POLR3E: variants seen among roughly 807,000 people sequenced by gnomAD.
POLR3E encodes the protein RNA polymerase III subunit E, also known as DNA-directed RNA polymerase III subunit RPC5.
In POLR3E, 41 loss-of-function variants were observed where a neutral mutation model predicts 96.6. The observed-to-expected ratio is 0.42, with a 90% CI of 0.33 to 0.55. POLR3E has a LOEUF of 0.55. Ranked by LOEUF, POLR3E falls within the 20% of genes least tolerant of loss-of-function variation. POLR3E has a pLI of 0.06. For missense variants in POLR3E, 849 were observed against 952.1 expected (o/e 0.89, Z 1.43); for synonymous variants, 396 against 383.6 (o/e 1.03, Z -0.38).
intron 6 of POLR3E, among the ~76,000 whole-genome samples, chr16:22,312,091 C>T (rs1483974388): frequency 6.6e-6 from 1 of 152,138 alleles, no homozygotes; most frequent in Non-Finnish European, 1.5e-5. Context: ...TTAGTGGCTA[C>T]CAGGGACTAG....
Position 22,302,293 on chromosome 16 carries a change from G to A in POLR3E, c.-38-638G>A, listed in dbSNP as rs371000415. On this transcript the variant is annotated intron_variant, in intron 1 of 20. Transcript: ENST00000299853. ...CAGTTCATCATCCTGCTTGCTATGT[G>A]ACTTTGGGTCAAAATGCACACAGTA... Among the ~76,000 whole-genome samples the A allele has an allele frequency of 5.3e-5, 8 of 152,264 alleles. No homozygotes were observed. In the East Asian group the frequency reaches 1.5e-3, roughly 29 times the overall value.
At chr16:22,301,607 A>G (rs895064461) in intron 1 of POLR3E, among the ~76,000 whole-genome samples, 1 of 150,908 alleles carries the variant, frequency 6.6e-6, no homozygotes, top group African/African-American at 2.4e-5. Flanking sequence ...AGATAGTTCA[A>G]ATGTTAAGTA....
intron 12 of POLR3E, among the ~76,000 whole-genome samples, chr16:22,317,936 C>T (rs529616326): frequency 5.9e-5 from 9 of 152,048 alleles, no homozygotes; most frequent in Admixed American, 4.6e-4. Context: ...TTAGGGTACC[C>T]GTGGCTGGTG....
rs780918240 is a variant in POLR3E, at chr16:22,325,902, T to A, written c.1490T>A (p.Ile497Asn). 4.2e-5 allele frequency: 68 copies of A among 1,606,990 alleles called. No individual in the cohort carries two copies. Among genetic ancestry groups the A allele is most frequent in the Non-Finnish European group, 5.6e-5 (66 of 1,176,850 alleles). The change falls in exon 18 of 21, where the codon ATC (isoleucine) becomes AAC (asparagine). Residue 497 changes from isoleucine (I) to asparagine (N), a missense_variant. By Grantham distance (149) the Ile-to-Asn change is moderately radical. Transcript: ENST00000299853. ...CCTGCGGTCCCGCCCGGTGTGCGGA[T>A]CAAGGAGGAGCCCGTGAGCGAGGAG... is the stretch of plus-strand genomic sequence containing the variant. ...RVPAVPPGVRIKEEPVSEEGE... is the reference protein window; with the variant it reads ...RVPAVPPGVRNKEEPVSEEGE...
chr16:22,316,589 C>G lies in POLR3E; in HGVS notation c.643-12C>G, dbSNP rs1359828027. 2 of 1,610,500 alleles carry G rather than the reference C, an allele frequency of 1.2e-6. No homozygotes were observed. The highest frequency in any genetic ancestry group is 2.7e-5 in the African/African-American group (2 of 75,012). On this transcript the variant is annotated splice_polypyrimidine_tract_variant and intron_variant, in intron 9 of 20. Coordinates refer to ENST00000299853, the MANE Select transcript of POLR3E (RefSeq NM_018119.4). ...GCTGAGGCTCCTCTCACACCCTGCC[C>G]TCCTCCAACAGGACAGTCGCTCTGA...
chr16:22,326,333 G>A, intron 18 of POLR3E, 55 bp downstream of exon 18: 2 of 1,220,274 alleles, frequency 1.6e-6, no homozygotes, highest in South Asian at 2.6e-5. Flanking sequence ...GGGAGAACCA[G>A]CTGTTGGGAG....
chr16:22,316,237 T>A (rs964539065), intron 9 of POLR3E, among the ~76,000 whole-genome samples: 6 of 152,210 alleles, frequency 3.9e-5, no homozygotes, highest in African/African-American at 1.4e-4. Context: ...ATGAGAGTAG[T>A]AATAATAGTA....
intron 1 of POLR3E, 117 bp from the exon 2 acceptor site, chr16:22,302,811 AAAG>A (rs1265095813): frequency 1.6e-5 from 12 of 733,952 alleles, no homozygotes; most frequent in Admixed American, 1.3e-4. Flanking sequence ...GTAGATGTAG[AAAG>A]AAGGTCAGTT....
Position 22,309,429 on chromosome 16 carries a change from A to G in POLR3E, c.283A>G (p.Lys95Glu). The change falls in exon 6 of 21, where the codon AAG becomes GAG. Residue 95 changes from lysine (K) to glutamate (E), a missense_variant and splice_region_variant. Physicochemically the swap from Lys to Glu is moderately conservative, Grantham distance 56. Transcript: ENST00000299853. ...CADETSTYSS[K>E]LMDKQTFCSS... ...ACGTTGCTTCTCCCTGTGCTCCAGGAAGCTGATGGACAAGCAGACCTTCTG... is the reference window on the plus strand; with the variant it reads ...ACGTTGCTTCTCCCTGTGCTCCAGGGAGCTGATGGACAAGCAGACCTTCTG... The G allele has an allele frequency of 6.2e-7, 1 of 1,612,490 alleles. No homozygotes were observed. The highest frequency in any genetic ancestry group is 1.1e-5 in the South Asian group (1 of 91,048).
chr16:22,314,778 TG>T (rs1475422362), intron 8 of POLR3E: 1 of 230,786 alleles, frequency 4.3e-6, no homozygotes, highest in Non-Finnish European at 8.6e-6. Context: ...CCTTCCGCTC[TG>T]GGGAACTTAG....
At chr16:22,317,323 C>A in intron 12 of POLR3E, 117 bp downstream of exon 12, 1 of 733,694 alleles carries the variant, frequency 1.4e-6, no homozygotes, top group East Asian at 2.6e-5. Context: ...TGCCCACAGC[C>A]TGCCCAGCTT....
chr16:22,304,246 C>A (rs988440036), intron 2 of POLR3E, among the ~76,000 whole-genome samples: 4 of 152,290 alleles, frequency 2.6e-5, no homozygotes, highest in Admixed American at 2.6e-4. Context: ...ATATGCGGAG[C>A]CTGACCTCCA....
chr16:22,314,433 G>A (rs1414899541), intron 8 of POLR3E, among the ~76,000 whole-genome samples: 1 of 152,190 alleles, frequency 6.6e-6, no homozygotes, highest in Non-Finnish European at 1.5e-5. Context: ...TCTTAACAGA[G>A]CCAAAGTCAA....
intron 8 of POLR3E, 182 bp from the exon 9 acceptor site, chr16:22,314,907 C>A (rs189974318): frequency 5.3e-6 from 3 of 566,110 alleles, no homozygotes; most frequent in African/African-American, 3.8e-5. Flanking sequence ...CGTTCCCTGG[C>A]GTGTGCAGGC....
intron 19 of POLR3E, among the ~76,000 whole-genome samples, chr16:22,329,915 A>C (rs2048699913): frequency 6.6e-6 from 1 of 151,438 alleles, no homozygotes; most frequent in South Asian, 2.1e-4. Flanking sequence ...AGGCATTTAC[A>C]TCACCAAAAG....
rs202036790 is a variant in POLR3E at position 22,325,769 on chromosome 16, G to A, written c.1357G>A (p.Gly453Arg). The change falls in exon 18 of 21, where the codon GGG becomes AGG. Residue 453 changes from glycine (G) to arginine (R), a missense_variant. Physicochemically the swap from Gly to Arg is moderately radical, Grantham distance 125. Coordinates refer to ENST00000299853, the MANE Select transcript of POLR3E (RefSeq NM_018119.4). ...KKPDAQSGPA[G>R]LVCGDQRIQV... The stretch of plus-strand genomic sequence containing the variant: ...TGCCTCCCTCCCCGCAGGGCCTGCC[G>A]GGCTGGTCTGTGGGGACCAGCGGAT... 1.0e-5 allele frequency: 16 copies of A among 1,562,520 alleles called. No individual in the cohort carries two copies. In the East Asian group the frequency reaches 1.4e-4, roughly 13 times the overall value.
intron 2 of POLR3E, among the ~76,000 whole-genome samples, chr16:22,303,661 G>A (rs1333036630): frequency 9.2e-6 from 1 of 108,116 alleles, no homozygotes; most frequent in Non-Finnish European, 1.6e-5. Context: ...TTTTTTTGGA[G>A]ACAGAGTCTT....
chr16:22,304,793 C>T (rs1455365893), intron 2 of POLR3E, among the ~76,000 whole-genome samples: 1 of 152,204 alleles, frequency 6.6e-6, no homozygotes, highest in Non-Finnish European at 1.5e-5. Flanking sequence ...CCAGGAGGCA[C>T]AGGCCTAGGT....
At position 22,298,630 on chromosome 16, in the gene POLR3E, A is replaced by T. The variant is rs753431354; in HGVS notation, c.-39+1093A>T. On this transcript the variant is annotated intron_variant, in intron 1 of 20. Coordinates refer to ENST00000299853, the MANE Select transcript of POLR3E (RefSeq NM_018119.4). The stretch of plus-strand genomic sequence containing the variant: ...ACTTAACCATACTGCCGTTTATCAG[A>T]AAACCGTGCAGTATAGTGGTTAAGA... 8.7e-4 allele frequency among the ~76,000 whole-genome samples: 133 copies of T among 152,184 alleles called. 1 individual carries two copies. Among genetic ancestry groups the T allele is most frequent in the Admixed American group, 8.0e-3 (122 of 15,286 alleles).
Sources: gnomAD v4.1 joint callset for allele counts (sites outside exome capture counted in the v4.1 genomes callset) on GRCh38, gnomAD v4.1.1 for gene constraint, MANE v1.5 for transcripts, NCBI Gene and HGNC (gene_info 2026-07-23, HGNC 2026-07-21) for gene names.